LEMD1: variants seen among roughly 807,000 people sequenced by gnomAD.
The protein encoded by LEMD1 is LEM domain containing 1.
Under a neutral mutation model 17.4 loss-of-function variants are expected in LEMD1, and 18 were observed. That is an observed-to-expected ratio of 1.04 (90% CI 0.72 to 1.54). LEMD1 has a LOEUF of 1.54. Ranked by LOEUF, LEMD1 falls within the 40% of genes most tolerant of loss-of-function variation. The probability of loss-of-function intolerance (pLI) is 0.00; values close to 1 mark genes in which losing one functional copy is unlikely to be tolerated. For missense variants in LEMD1, 195 were observed against 210.4 expected, an observed-to-expected ratio of 0.93 and a Z score of 0.45; for synonymous variants, 88 against 77.8, an observed-to-expected ratio of 1.13 and a Z score of -0.69.
At position 205,422,033 on chromosome 1, in the gene LEMD1, C is replaced by A. The variant is rs1665979362; in HGVS notation, c.-82G>T. ...AAAGTCTATGCAATCGAGTTGGTTACTAAAGCTGGGTGAGTTTCACTCTGA... is the reference window on the plus strand; with the variant it reads ...AAAGTCTATGCAATCGAGTTGGTTAATAAAGCTGGGTGAGTTTCACTCTGA... On this transcript the variant is annotated 5_prime_UTR_variant, in exon 1 of 6. Transcript: ENST00000367153. 1 of 152,204 alleles carries A rather than the reference C, an allele frequency of 6.6e-6. No individual in the cohort carries two copies. The highest frequency in any genetic ancestry group is 6.5e-5 in the Admixed American group (1 of 15,270). 9.4% of individuals were successfully genotyped at this position (152,204 alleles called of 1,614,324 possible).
intron 4 of LEMD1, among the ~76,000 whole-genome samples, chr1:205,414,388 GCCTGGGCGACAGCGTGAGACC>G (rs1665594124): frequency 6.6e-6 from 1 of 150,816 alleles, no homozygotes; most frequent in Admixed American, 6.6e-5. Flanking sequence ...TTCGAGACCA[GCCTGGGCGACAGCGTGAGACC>G]CCTGTCTCTA....
chr1:205,384,378 A>C lies in LEMD1; in HGVS notation c.271-14T>G. ...AGCCTCAGGCCACTGATAAACAGAA[A>C]GAAAATGTCAAGAGGAATTTGTTTC... On this transcript the variant is annotated splice_polypyrimidine_tract_variant and intron_variant, in intron 4 of 5. Coordinates refer to ENST00000367153, the MANE Select transcript of LEMD1 (RefSeq NM_001199050.2). 1 of 1,469,000 alleles carries C rather than the reference A, an allele frequency of 6.8e-7. No homozygotes were observed. The highest frequency in any genetic ancestry group is 9.1e-7 in the Non-Finnish European group (1 of 1,103,874). The allele number at this position is 1,469,000 out of a possible 1,614,324, so 91.0% of individuals were successfully genotyped here. A position where few individuals can be genotyped will look rare whatever the true frequency, so the allele number is the denominator to read the frequency against.
chr1:205,442,424 T>A (rs1277968983), intron 1 of LEMD1, among the ~76,000 whole-genome samples: 1 of 152,226 alleles, frequency 6.6e-6, no homozygotes, highest in African/African-American at 2.4e-5. Context: ...GGTGGCTCTC[T>A]GGACAGTTCC....
At chr1:205,421,869 A>G (rs1665973297) in intron 1 of LEMD1, 121 bp downstream of exon 1, 1 of 152,194 alleles carries the variant, frequency 6.6e-6, no homozygotes, top group Admixed American at 6.5e-5. Flanking sequence ...CAGCTTCCCA[A>G]AAATAACCTC....
At chr1:205,408,328 T>TACACACAC (rs34904075) in intron 4 of LEMD1, among the ~76,000 whole-genome samples, 144 of 148,882 alleles carry the variant, frequency 9.7e-4, no homozygotes, top group African/African-American at 3.4e-3. Context: ...AATGGTAGGG[T>TACACACAC]ACACACACAC....
chr1:205,402,948 A>G (rs1664919806), intron 4 of LEMD1, among the ~76,000 whole-genome samples: 1 of 151,958 alleles, frequency 6.6e-6, no homozygotes. Flanking sequence ...TTCTGCATCT[A>G]TTGAGATAAT....
intron 4 of LEMD1, among the ~76,000 whole-genome samples, chr1:205,406,519 G>A (rs1314235440): frequency 1.3e-5 from 2 of 152,244 alleles, no homozygotes; most frequent in Non-Finnish European, 2.9e-5. Flanking sequence ...CCAGGTGTGG[G>A]ATATAATCTC....
chr1:205,395,327 G>C (rs185863496), intron 4 of LEMD1, among the ~76,000 whole-genome samples: 282 of 152,280 alleles, frequency 1.9e-3, no homozygotes, highest in Admixed American at 4.0e-3. Context: ...GGCCATGGTG[G>C]CTCATGCCTG....
chr1:205,439,656 G>A (rs1666261183), intron 1 of LEMD1, among the ~76,000 whole-genome samples: 1 of 152,158 alleles, frequency 6.6e-6, no homozygotes, highest in Non-Finnish European at 1.5e-5. Context: ...CTGTCAGAAG[G>A]GCTATTCTGT....
chr1:205,387,859 C>T (rs1188796597), intron 4 of LEMD1, among the ~76,000 whole-genome samples: 1 of 152,252 alleles, frequency 6.6e-6, no homozygotes, highest in Non-Finnish European at 1.5e-5. Context: ...CTGTGACTGT[C>T]TCACTACAAC....
chr1:205,414,508 T>G (rs528161439), intron 4 of LEMD1, among the ~76,000 whole-genome samples: 1 of 151,854 alleles, frequency 6.6e-6, no homozygotes, highest in African/African-American at 2.4e-5. Context: ...CACTGCAGCC[T>G]CAACCTCCCA....
chr1:205,424,147 C>G (rs544759981), upstream of LEMD1, among the ~76,000 whole-genome samples: 19 of 152,234 alleles, frequency 1.2e-4, no homozygotes, highest in African/African-American at 4.6e-4. Flanking sequence ...GTTGCAATTG[C>G]CAATAACCAT....
chr1:205,409,872 A>G (rs1412736833), intron 4 of LEMD1, among the ~76,000 whole-genome samples: 3 of 152,028 alleles, frequency 2.0e-5, no homozygotes, highest in Non-Finnish European at 2.9e-5. Context: ...TCCTGGGTTC[A>G]AGTGATTCTC....
intron 3 of LEMD1, 43 bp from the exon 4 acceptor site, chr1:205,416,339 T>A (rs1665695349): frequency 1.5e-6 from 2 of 1,349,040 alleles, no homozygotes; most frequent in East Asian, 2.5e-5. Flanking sequence ...ATGAGAACAT[T>A]TGAGCTAGCA....
intron 1 of LEMD1, among the ~76,000 whole-genome samples, chr1:205,434,192 T>G (rs1666168263): frequency 1.8e-5 from 1 of 54,088 alleles, no homozygotes; most frequent in African/African-American, 3.4e-5. Flanking sequence ...ATCTTTCTTT[T>G]TTTTTCTCTC....
At chr1:205,387,868 A>G (rs1664111455) in intron 4 of LEMD1, among the ~76,000 whole-genome samples, 1 of 152,250 alleles carries the variant, frequency 6.6e-6, no homozygotes, top group African/African-American at 2.4e-5. Context: ...TCTCACTACA[A>G]CACTAGCTAA....
chr1:205,412,974 T>G (rs1665520215), intron 4 of LEMD1, among the ~76,000 whole-genome samples: 1 of 152,236 alleles, frequency 6.6e-6, no homozygotes, highest in African/African-American at 2.4e-5. Context: ...AAGGATTCCT[T>G]TAATGAGCTA....
intron 1 of LEMD1, chr1:205,436,852 T>A (rs1425564549): frequency 1.3e-5 from 2 of 152,238 alleles, no homozygotes; most frequent in Non-Finnish European, 2.9e-5. Context: ...GAACCAAGTA[T>A]CTGTCTCCAA....
At position 205,381,581 on chromosome 1, in the gene LEMD1, G is replaced by A; in HGVS notation, c.*77C>T. ...GCAAGGGAGGGCTGCAGGCTAGGCT[G>A]GCCCTTCAGGGTAGTGTTTTGGTTC... On this transcript the variant is annotated 3_prime_UTR_variant, in exon 6 of 6. Coordinates refer to ENST00000367153, the MANE Select transcript of LEMD1 (RefSeq NM_001199050.2). The A allele has an allele frequency of 7.4e-7, 1 of 1,359,034 alleles. No individual in the cohort carries two copies. Among genetic ancestry groups the A allele is most frequent in the Non-Finnish European group, 1.1e-6 (1 of 949,462 alleles). The allele number at this position is 1,359,034 out of a possible 1,614,324, so 84.2% of individuals were successfully genotyped here. A position where few individuals can be genotyped will look rare whatever the true frequency, so the allele number is the denominator to read the frequency against.
Sources: gnomAD v4.1 joint callset for allele counts (sites outside exome capture counted in the v4.1 genomes callset) on GRCh38, gnomAD v4.1.1 for gene constraint, MANE v1.5 for transcripts, NCBI Gene and HGNC (gene_info 2026-07-23, HGNC 2026-07-21) for gene names.